The following NEK1 variants were observed in gnomAD, a reference collection of about 807,000 sequenced individuals.
The protein encoded by NEK1 is NIMA related kinase 1, also known as serine/threonine-protein kinase Nek1.
In NEK1, 137 loss-of-function variants were observed where a neutral mutation model predicts 182.1. The observed-to-expected ratio is 0.75, with a 90% CI of 0.65 to 0.87. The LOEUF (loss-of-function observed/expected upper bound fraction) is 0.87. Among genes scored for constraint, NEK1 ranks in the 40% least tolerant of loss-of-function variants. The pLI is 0.00. For missense variants in NEK1, 1,391 were observed against 1,494.4 expected, an observed-to-expected ratio of 0.93 and a Z score of 1.14; for synonymous variants, 513 against 492.2, an observed-to-expected ratio of 1.04 and a Z score of -0.56.
At chr4:169,541,163 GA>G (rs1759347240) in intron 18 of NEK1, among the ~76,000 whole-genome samples, 1 of 152,022 alleles carries the variant, frequency 6.6e-6, no homozygotes, top group Admixed American at 6.6e-5. Flanking sequence ...TTACTGAGAT[GA>G]AAAAATGATG....
intron 18 of NEK1, among the ~76,000 whole-genome samples, chr4:169,547,959 A>C (rs1760798046): frequency 2.0e-5 from 3 of 152,174 alleles, no homozygotes; most frequent in Admixed American, 2.0e-4. Context: ...CCACCTCCTG[A>C]AGCCTACTTC....
chr4:169,451,760 A>G (rs931648593), intron 27 of NEK1, among the ~76,000 whole-genome samples: 2 of 152,236 alleles, frequency 1.3e-5, no homozygotes, highest in African/African-American at 4.8e-5. Context: ...TTCAAAAGCT[A>G]GCAGAAGGTG....
intron 19 of NEK1, among the ~76,000 whole-genome samples, chr4:169,509,239 T>C (rs945370020): frequency 6.6e-6 from 1 of 152,080 alleles, no homozygotes; most frequent in African/African-American, 2.4e-5. Context: ...ACTAAACACA[T>C]ACAAAATAAG....
intron 23 of NEK1, 105 bp downstream of exon 23, chr4:169,506,932 A>T: frequency 3.3e-6 from 2 of 607,986 alleles, no homozygotes; most frequent in East Asian, 3.1e-5. Context: ...GAATGAAAAA[A>T]CAGAAAAAAA....
chr4:169,456,584 T>C (rs1243473318), intron 27 of NEK1, among the ~76,000 whole-genome samples: 1 of 152,230 alleles, frequency 6.6e-6, no homozygotes, highest in Non-Finnish European at 1.5e-5. Context: ...TATGAGCAGC[T>C]GTATTTCAAT....
At chr4:169,599,953 T>C (rs1770205675) in intron 4 of NEK1, among the ~76,000 whole-genome samples, 1 of 152,128 alleles carries the variant, frequency 6.6e-6, no homozygotes, top group African/African-American at 2.4e-5. Flanking sequence ...CTTGAGCTCC[T>C]GGGCTCAAGG....
intron 29 of NEK1, among the ~76,000 whole-genome samples, chr4:169,432,236 A>G (rs1292967032): frequency 2.0e-5 from 3 of 152,208 alleles, no homozygotes; most frequent in Non-Finnish European, 4.4e-5. Context: ...AAACTCAAAA[A>G]GTTTGATGAG....
chr4:169,596,563 C>T (rs1769527358), intron 5 of NEK1, among the ~76,000 whole-genome samples: 1 of 152,158 alleles, frequency 6.6e-6, no homozygotes, highest in Non-Finnish European at 1.5e-5. Context: ...ACTCAGGTTG[C>T]TTCTTAACCT....
At chr4:169,504,276 T>C (rs1173497470) in intron 23 of NEK1, among the ~76,000 whole-genome samples, 3 of 152,104 alleles carry the variant, frequency 2.0e-5, no homozygotes, top group African/African-American at 7.2e-5. Flanking sequence ...TCGTACACTG[T>C]TGGTAGGAAT....
At chr4:169,464,526 G>T (rs906861701) in intron 26 of NEK1, among the ~76,000 whole-genome samples, 12 of 152,188 alleles carry the variant, frequency 7.9e-5, no homozygotes, top group African/African-American at 2.9e-4. Flanking sequence ...ACATCACATG[G>T]GGTCAGATGT....
chr4:169,419,098 A>C (rs1011926602), intron 31 of NEK1, among the ~76,000 whole-genome samples: 1 of 152,062 alleles, frequency 6.6e-6, no homozygotes, highest in East Asian at 1.9e-4. Context: ...TTACTCCAAA[A>C]ACCTTACTCC....
chr4:169,465,380 T>C (rs1448039493), intron 26 of NEK1, among the ~76,000 whole-genome samples: 3 of 152,008 alleles, frequency 2.0e-5, no homozygotes, highest in Admixed American at 2.0e-4. Context: ...GTGGAGTCAA[T>C]GGTCTCTCTG....
At chr4:169,467,270 A>C (rs967933390) in intron 26 of NEK1, among the ~76,000 whole-genome samples, 11 of 152,112 alleles carry the variant, frequency 7.2e-5, no homozygotes, top group African/African-American at 2.7e-4. Context: ...GTTAAGAGTT[A>C]CACACAGATT....
chr4:169,507,158 T>A, intron 22 of NEK1, 26 bp from the exon 23 acceptor site: 1 of 1,467,278 alleles, frequency 6.8e-7, no homozygotes, highest in Non-Finnish European at 9.2e-7. Context: ...ATTAACAAAA[T>A]GAGTTACCAG....
intron 32 of NEK1, among the ~76,000 whole-genome samples, chr4:169,402,983 A>G (rs2111047544): frequency 6.6e-6 from 1 of 152,348 alleles, no homozygotes; most frequent in South Asian, 2.1e-4. Context: ...GCAATGCTTA[A>G]CAGGACACAA....
chr4:169,445,425 TAA>T (rs917203833), intron 27 of NEK1, among the ~76,000 whole-genome samples: 1 of 151,002 alleles, frequency 6.6e-6, no homozygotes, highest in Non-Finnish European at 1.5e-5. Flanking sequence ...ACCCTGTTTA[TAA>T]AAAAAAGAGA....
chr4:169,476,625 G>C (rs1025147250), intron 26 of NEK1, among the ~76,000 whole-genome samples: 1 of 152,022 alleles, frequency 6.6e-6, no homozygotes, highest in African/African-American at 2.4e-5. Context: ...AGCTCCACAA[G>C]AGCACATATG....
At chr4:169,479,865 A>C (rs1382277857) in intron 23 of NEK1, among the ~76,000 whole-genome samples, 1 of 152,142 alleles carries the variant, frequency 6.6e-6, no homozygotes, top group Non-Finnish European at 1.5e-5. Flanking sequence ...TACACTTCTA[A>C]AAGAAATGCT....
At chr4:169,563,730 G>A (rs2149957705) in intron 12 of NEK1, among the ~76,000 whole-genome samples, 1 of 152,272 alleles carries the variant, frequency 6.6e-6, no homozygotes, top group South Asian at 2.1e-4. Context: ...GGTTTCAGGT[G>A]TGTATACATA....
Sources: gnomAD v4.1 joint callset for allele counts (sites outside exome capture counted in the v4.1 genomes callset) on GRCh38, gnomAD v4.1.1 for gene constraint, MANE v1.5 for transcripts, NCBI Gene and HGNC (gene_info 2026-07-23, HGNC 2026-07-21) for gene names.